FBN2: variants seen among roughly 807,000 people sequenced by gnomAD.
FBN2 encodes the protein fibrillin-2.
A neutral mutation model predicts 355.6 loss-of-function variants in FBN2; 105 were observed. The observed-to-expected ratio is 0.30, with a 90% CI of 0.25 to 0.35. The LOEUF (loss-of-function observed/expected upper bound fraction) is 0.35, where lower values mean the gene tolerates loss of function less well. Ranked by LOEUF, FBN2 falls within the 10% of genes least tolerant of loss-of-function variation. The probability of loss-of-function intolerance (pLI) is 1.00; values close to 1 mark genes in which losing one functional copy is unlikely to be tolerated. For synonymous variants in FBN2, 1,350 were observed against 1,301.2 expected, an observed-to-expected ratio of 1.04 and a Z score of -0.81; for missense variants, 3,280 against 3,758.7, an observed-to-expected ratio of 0.87 and a Z score of 3.33.
intron 11 of FBN2, among the ~76,000 whole-genome samples, chr5:128,384,044 C>A (rs917113841): frequency 1.3e-5 from 2 of 151,996 alleles, no homozygotes; most frequent in African/African-American, 4.8e-5. Flanking sequence ...AAGTGCCCAT[C>A]AACTTGGGAA....
At chr5:128,293,864 T>G (rs1749409004) in intron 48 of FBN2, among the ~76,000 whole-genome samples, 1 of 152,046 alleles carries the variant, frequency 6.6e-6, no homozygotes, top group Non-Finnish European at 1.5e-5. Flanking sequence ...TACTTTAAGT[T>G]TTAGGGTACA....
rs372297101 is a variant in FBN2, at chr5:128,392,003, G to C, written c.1603+15C>G. ...AAAAAAACTAAGAAGGATTATTAAA[G>C]AATCACAAACTTACCTATACAATCT... On this transcript the variant is annotated intron_variant, in intron 11 of 64. Transcript: ENST00000262464. 19 of 1,610,940 alleles carry C rather than the reference G, an allele frequency of 1.2e-5. No homozygotes were observed. Among genetic ancestry groups the C allele is most frequent in the Middle Eastern group, 1.6e-4 (1 of 6,072 alleles).
At chr5:128,501,603 A>C (rs1041904057) in intron 5 of FBN2, among the ~76,000 whole-genome samples, 1 of 152,202 alleles carries the variant, frequency 6.6e-6, no homozygotes, top group Non-Finnish European at 1.5e-5. Flanking sequence ...AAAATTATGC[A>C]TGATTTCTTT....
chr5:128,475,981 T>A (rs1754998565), intron 5 of FBN2, among the ~76,000 whole-genome samples: 1 of 152,178 alleles, frequency 6.6e-6, no homozygotes, highest in Non-Finnish European at 1.5e-5. Context: ...CGCTAGTAAA[T>A]TATTCCTACA....
intron 7 of FBN2, among the ~76,000 whole-genome samples, chr5:128,417,189 T>A (rs930256538): frequency 1.5e-4 from 23 of 152,212 alleles, no homozygotes; most frequent in Admixed American, 3.3e-4. Flanking sequence ...CTACTGATTT[T>A]GTGCACTGAT....
intron 55 of FBN2, among the ~76,000 whole-genome samples, chr5:128,284,139 A>G (rs1221344773): frequency 5.3e-5 from 8 of 152,204 alleles, no homozygotes; most frequent in Non-Finnish European, 1.2e-4. Context: ...GTAAAATAGG[A>G]AATAACAACT....
intron 8 of FBN2, among the ~76,000 whole-genome samples, chr5:128,405,636 G>A (rs1433774979): frequency 6.6e-6 from 1 of 152,154 alleles, no homozygotes; most frequent in African/African-American, 2.4e-5. Context: ...ATTTTGAAAT[G>A]TAAGTGAGTA....
At chr5:128,422,021 C>T (rs1474985668) in intron 7 of FBN2, among the ~76,000 whole-genome samples, 1 of 152,148 alleles carries the variant, frequency 6.6e-6, no homozygotes, top group Non-Finnish European at 1.5e-5. Flanking sequence ...TGCTACACTA[C>T]TGGCTTTAAA....
intron 5 of FBN2, among the ~76,000 whole-genome samples, chr5:128,496,190 C>T (rs1168050580): frequency 6.6e-6 from 1 of 151,950 alleles, no homozygotes; most frequent in African/African-American, 2.4e-5. Flanking sequence ...TCTATGAGGT[C>T]ACAATTACAC....
intron 7 of FBN2, among the ~76,000 whole-genome samples, chr5:128,439,053 C>T (rs1245634301): frequency 2.0e-5 from 3 of 152,072 alleles, no homozygotes; most frequent in Non-Finnish European, 4.4e-5. Context: ...CTTCAACATA[C>T]GTTTATATCA....
At position 128,536,389 on chromosome 5, in the gene FBN2, G is replaced by A; in HGVS notation, c.337+13C>T. 1 of 1,611,214 alleles carries A rather than the reference G, an allele frequency of 6.2e-7. No individual in the cohort carries two copies. The highest frequency in any genetic ancestry group is 8.5e-7 in the Non-Finnish European group (1 of 1,177,546). Reference sequence around the variant, plus strand: ...TGCGCTGCCCCAAGCTGCGATCCCTGCCAAGCACTCACGGACAATGCACTG... The same window carrying A: ...TGCGCTGCCCCAAGCTGCGATCCCTACCAAGCACTCACGGACAATGCACTG... On this transcript the variant is annotated intron_variant, in intron 2 of 64. Coordinates refer to ENST00000262464, the MANE Select transcript of FBN2 (RefSeq NM_001999.4).
At position 128,350,870 on chromosome 5, in the gene FBN2, A is replaced by G. The variant is rs1181502863; in HGVS notation, c.2810T>C (p.Leu937Pro). 2 of 1,614,138 alleles carry G rather than the reference A, an allele frequency of 1.2e-6. No homozygotes were observed. Among genetic ancestry groups the G allele is most frequent in the South Asian group, 2.2e-5 (2 of 91,084 alleles). ...AWGSPCERCE[L>P]DTACPRGLAR... ...GAAGCTCCCAATAAGGCTCCTACCTAGTTCACACCGCTCACAGGGGCTCCC... is the reference window on the plus strand; with the variant it reads ...GAAGCTCCCAATAAGGCTCCTACCTGGTTCACACCGCTCACAGGGGCTCCC... Residue 937 changes from leucine to proline, a missense_variant and splice_region_variant, in exon 21 of 65, where the codon CTA becomes CCA. By Grantham distance (98) the Leu-to-Pro change is moderately conservative (BLOSUM62 -3). Transcript: ENST00000262464.
At chr5:128,379,220 G>A (rs1353881574) in intron 11 of FBN2, among the ~76,000 whole-genome samples, 1 of 152,124 alleles carries the variant, frequency 6.6e-6, no homozygotes, top group Non-Finnish European at 1.5e-5. Context: ...TTACACCAAT[G>A]TGGGCAAGTT....
intron 5 of FBN2, among the ~76,000 whole-genome samples, chr5:128,517,823 A>C (rs530894985): frequency 9.2e-5 from 14 of 152,314 alleles, no homozygotes; most frequent in Middle Eastern, 6.8e-3. Context: ...TCATTGACAT[A>C]ATTTCATATA....
At chr5:128,427,239 G>A (rs756229814) in intron 7 of FBN2, among the ~76,000 whole-genome samples, 12 of 152,068 alleles carry the variant, frequency 7.9e-5, no homozygotes, top group Non-Finnish European at 1.5e-4. Context: ...GAGTTCCTTC[G>A]AGAGAAAGTC....
intron 34 of FBN2, among the ~76,000 whole-genome samples, chr5:128,323,784 A>G (rs1750461231): frequency 6.6e-6 from 1 of 152,192 alleles, no homozygotes; most frequent in Admixed American, 6.5e-5. Flanking sequence ...AAGTTTCGGT[A>G]TCAGGATGAT....
chr5:128,475,943 T>G (rs1754997470), intron 5 of FBN2, among the ~76,000 whole-genome samples: 1 of 152,204 alleles, frequency 6.6e-6, no homozygotes, highest in African/African-American at 2.4e-5. Context: ...AACTGAGAGA[T>G]AGCAAAAGTA....
At chr5:128,351,365 G>A (rs1035124397) in intron 20 of FBN2, among the ~76,000 whole-genome samples, 5 of 152,116 alleles carry the variant, frequency 3.3e-5, no homozygotes, top group African/African-American at 1.2e-4. Context: ...TGGTCAACAT[G>A]GTGAAACCCC....
chr5:128,409,856 T>C (rs944743066), intron 7 of FBN2, among the ~76,000 whole-genome samples: 7 of 152,312 alleles, frequency 4.6e-5, no homozygotes, highest in Admixed American at 3.3e-4. Flanking sequence ...ATATTCCTAT[T>C]ATAAACACAC....
Sources: allele counts gnomAD v4.1 joint callset (sites outside exome capture counted in the v4.1 genomes callset), GRCh38; gene constraint gnomAD v4.1.1; transcripts MANE v1.5; gene names NCBI Gene and HGNC (gene_info 2026-07-23, HGNC 2026-07-21).